The following ITCH variants were observed in gnomAD, a reference collection of about 807,000 sequenced individuals.
ITCH encodes the protein E3 ubiquitin-protein ligase Itchy homolog.
A neutral mutation model predicts 126.8 loss-of-function variants in ITCH; 28 were observed. The observed-to-expected ratio is 0.22, with a 90% CI of 0.16 to 0.30. The LOEUF (loss-of-function observed/expected upper bound fraction) is 0.30, where lower values mean the gene tolerates loss of function less well. ITCH is among the 10% of genes least tolerant of loss of function. ITCH has a pLI of 1.00. For missense variants in ITCH, 631 were observed against 1,032.4 expected (o/e 0.61, Z 5.33); for synonymous variants, 342 against 340.0 (o/e 1.01, Z -0.06).
chr20:34,474,940 G>A (rs994172643), intron 16 of ITCH, among the ~76,000 whole-genome samples: 4 of 151,698 alleles, frequency 2.6e-5, no homozygotes, highest in East Asian at 3.9e-4. Context: ...CTTCTCAGAC[G>A]GGGTGGCTGG....
chr20:34,378,070 C>A (rs2037913026), intron 2 of ITCH, among the ~76,000 whole-genome samples: 1 of 151,182 alleles, frequency 6.6e-6, no homozygotes, highest in Non-Finnish European at 1.5e-5. Context: ...TCATTCTTGG[C>A]CAAATACAAA....
At chr20:34,444,443 T>C (rs1207817080) in intron 10 of ITCH, among the ~76,000 whole-genome samples, 1 of 151,970 alleles carries the variant, frequency 6.6e-6, no homozygotes, top group African/African-American at 2.4e-5. Flanking sequence ...ATTAGCCAAG[T>C]GTGATGACGC....
At chr20:34,466,414 C>T in intron 14 of ITCH, 1 of 525,810 alleles carries the variant, frequency 1.9e-6, no homozygotes, top group Middle Eastern at 3.3e-4. Context: ...AAAGATGGTT[C>T]CCTATTACTT....
At chr20:34,474,102 TTAAC>T (rs1396654299) in intron 16 of ITCH, among the ~76,000 whole-genome samples, 1 of 152,224 alleles carries the variant, frequency 6.6e-6, no homozygotes, top group Non-Finnish European at 1.5e-5. Flanking sequence ...TTCTATCACA[TTAAC>T]TATTTTTTAA....
chr20:34,382,616 C>G (rs1357092687), intron 2 of ITCH, among the ~76,000 whole-genome samples: 1 of 151,936 alleles, frequency 6.6e-6, no homozygotes, highest in Non-Finnish European at 1.5e-5. Context: ...CCATGTTGGC[C>G]AGGCTGGTCT....
chr20:34,428,764 T>G (rs912316610), intron 7 of ITCH, among the ~76,000 whole-genome samples: 1 of 152,024 alleles, frequency 6.6e-6, no homozygotes, highest in Non-Finnish European at 1.5e-5. Context: ...ATTTATGACC[T>G]GATTGTACTA....
intron 2 of ITCH, among the ~76,000 whole-genome samples, chr20:34,382,228 C>G (rs371695860): frequency 4.6e-5 from 7 of 152,218 alleles, no homozygotes; most frequent in African/African-American, 1.7e-4. Flanking sequence ...CTCTCCCCTT[C>G]CTAGTATTGA....
At chr20:34,445,785 A>C (rs1451160034) in intron 11 of ITCH, among the ~76,000 whole-genome samples, 1 of 152,152 alleles carries the variant, frequency 6.6e-6, no homozygotes, top group Admixed American at 6.5e-5. Flanking sequence ...ACATTTCTAA[A>C]TTTACTAGTG....
At chr20:34,433,672 A>AAT (rs11481566) in intron 7 of ITCH, among the ~76,000 whole-genome samples, 2 of 150,906 alleles carry the variant, frequency 1.3e-5, no homozygotes, top group African/African-American at 4.9e-5. Flanking sequence ...AAAAAAAAAA[A>AAT]CCCAAAAAGA....
chr20:34,491,435 G>C (rs1303183637), intron 22 of ITCH, among the ~76,000 whole-genome samples: 1 of 152,172 alleles, frequency 6.6e-6, no homozygotes, highest in Admixed American at 6.5e-5. Context: ...TGTGTACATA[G>C]GTTTTACTTG....
chr20:34,487,178 AT>A (rs1989188495), intron 20 of ITCH, among the ~76,000 whole-genome samples: 1 of 151,014 alleles, frequency 6.6e-6, no homozygotes, highest in African/African-American at 2.4e-5. Context: ...CACCTGGCTA[AT>A]TTTTTTGTAT....
chr20:34,364,280 T>C (rs373864692), intron 1 of ITCH, among the ~76,000 whole-genome samples: 4 of 152,292 alleles, frequency 2.6e-5, no homozygotes, highest in African/African-American at 9.6e-5. Context: ...CCTAATCTTA[T>C]TACATTTTCT....
At chr20:34,484,523 A>G (rs1300196588) in intron 20 of ITCH, among the ~76,000 whole-genome samples, 1 of 152,190 alleles carries the variant, frequency 6.6e-6, no homozygotes, top group African/African-American at 2.4e-5. Context: ...CTTATGACAT[A>G]TATAGCATTC....
chr20:34,415,585 A>G (rs550886508), intron 6 of ITCH, among the ~76,000 whole-genome samples: 3 of 152,012 alleles, frequency 2.0e-5, no homozygotes, highest in South Asian at 4.1e-4. Flanking sequence ...AGGACCTAAT[A>G]TGTCTTCCAG....
intron 12 of ITCH, among the ~76,000 whole-genome samples, chr20:34,454,208 G>A (rs1457632416): frequency 6.7e-6 from 1 of 149,994 alleles, no homozygotes; most frequent in Admixed American, 6.6e-5. Flanking sequence ...CGCGATCTCG[G>A]CTCACTGCAA....
intron 2 of ITCH, among the ~76,000 whole-genome samples, chr20:34,374,213 T>G (rs764093135): frequency 5.9e-5 from 9 of 152,172 alleles, no homozygotes; most frequent in Non-Finnish European, 1.3e-4. Flanking sequence ...AAAGAGTAGG[T>G]TCTACAATTT....
chr20:34,389,901 AT>A (rs2146058707), intron 2 of ITCH, among the ~76,000 whole-genome samples: 1 of 152,276 alleles, frequency 6.6e-6, no homozygotes, highest in African/African-American at 2.4e-5. Context: ...TGGGTGGATC[AT>A]TTGAGGTCAG....
rs775254034 is a variant in ITCH, at chr20:34,413,777, G to T, written c.373G>T (p.Asp125Tyr). 6.2e-7 allele frequency: 1 copy of T among 1,612,116 alleles called. No individual in the cohort carries two copies. The highest frequency in any genetic ancestry group is 8.5e-7 in the Non-Finnish European group (1 of 1,178,800). ...AGTTGTGACTTTGCAGCTTGGAGGT[G>T]ACAAAGAGCCAACAGAGACAATAGG... is the stretch of plus-strand genomic sequence containing the variant. ...EVVVTLQLGGDKEPTETIGDL... is the reference protein window; with the variant it reads ...EVVVTLQLGGYKEPTETIGDL... Residue 125 changes from aspartate to tyrosine, a missense_variant, in exon 6 of 25, where the codon GAC (aspartate) becomes TAC (tyrosine). By Grantham distance (160) the Asp-to-Tyr change is radical. Around this residue, in one of 4 missense-constraint regions of ITCH, gnomAD observed 220 missense variants for 265.7 expected, o/e 0.83. Coordinates refer to ENST00000374864, the MANE Select transcript of ITCH (RefSeq NM_031483.7).
At chr20:34,377,915 T>TAAATGTAG (rs1472184979) in intron 2 of ITCH, among the ~76,000 whole-genome samples, 1 of 151,428 alleles carries the variant, frequency 6.6e-6, no homozygotes, top group Non-Finnish European at 1.5e-5. Flanking sequence ...AAGAAACCAA[T>TAAATGTAG]AAATGTAGAA....
Sources: allele counts gnomAD v4.1 joint callset (sites outside exome capture counted in the v4.1 genomes callset), GRCh38; gene constraint gnomAD v4.1.1; regional missense constraint gnomAD v4.1.1; transcripts MANE v1.5; gene names NCBI Gene and HGNC (gene_info 2026-07-23, HGNC 2026-07-21).